Variants in DAGLB observed in about 807,000 individuals in gnomAD.
DAGLB encodes diacylglycerol lipase beta.
In DAGLB, 66 loss-of-function variants were observed where a neutral mutation model predicts 72.1. The ratio of observed to expected loss-of-function variants is 0.92; its 90% confidence interval spans 0.75 to 1.12. The LOEUF is 1.12. Ranked by LOEUF, DAGLB falls within the 50% of genes most tolerant of loss-of-function variation. The pLI is 0.00. For synonymous variants in DAGLB, 414 were observed against 359.5 expected (o/e 1.15, Z -1.71); for missense variants, 1,065 against 884.9 (o/e 1.20, Z -2.58).
chr7:6,431,073 G>A (rs990800421), intron 5 of DAGLB, among the ~76,000 whole-genome samples: 1 of 152,048 alleles, frequency 6.6e-6, no homozygotes, highest in Admixed American at 6.6e-5. Flanking sequence ...ACCACGCCCA[G>A]CCTGACTCCT....
chr7:6,426,559 T>G (rs1326985328), intron 6 of DAGLB, among the ~76,000 whole-genome samples: 2 of 152,196 alleles, frequency 1.3e-5, no homozygotes, highest in African/African-American at 4.8e-5. Flanking sequence ...CGTGAGCCAC[T>G]GCACTGGGCC....
intron 7 of DAGLB, 121 bp downstream of exon 7, chr7:6,425,867 A>G: frequency 6.7e-7 from 1 of 1,500,408 alleles, no homozygotes; most frequent in South Asian, 1.3e-5. Context: ...AGTACACAGG[A>G]CTTAGAAGTG....
chr7:6,423,463 C>T (rs957433112), intron 8 of DAGLB, among the ~76,000 whole-genome samples: 18 of 152,232 alleles, frequency 1.2e-4, no homozygotes, highest in African/African-American at 4.3e-4. Context: ...CTCGATCTGT[C>T]GCCACGCTGG....
intron 2 of DAGLB, among the ~76,000 whole-genome samples, chr7:6,436,761 G>T (rs1784671803): frequency 6.6e-6 from 1 of 151,932 alleles, no homozygotes; most frequent in African/African-American, 2.4e-5. Flanking sequence ...GATTTAGCAG[G>T]GATTAAAAAC....
chr7:6,435,286 G>C (rs1029540387), intron 3 of DAGLB: 6 of 401,388 alleles, frequency 1.5e-5, no homozygotes, highest in African/African-American at 1.2e-4. Flanking sequence ...AGGAGATCGA[G>C]ACCAGCCTGG....
chr7:6,415,354 T>A (rs1403818490), intron 11 of DAGLB, among the ~76,000 whole-genome samples: 1 of 151,976 alleles, frequency 6.6e-6, no homozygotes, highest in African/African-American at 2.4e-5. Context: ...AAACCAAGTG[T>A]GCGAAGAAAA....
At position 6,434,756 on chromosome 7, in the gene DAGLB, G is replaced by A; in HGVS notation, c.678+6C>T. ...AAACAGACCAAACCAGATCCCCTCG[G>A]CTTACTGAAAAGTAGGTTGAGAAAA... On this transcript the variant is annotated splice_donor_region_variant and intron_variant, in intron 4 of 14. Coordinates refer to ENST00000297056, the MANE Select transcript of DAGLB (RefSeq NM_139179.4). 2 of 1,613,974 alleles carry A rather than the reference G, an allele frequency of 1.2e-6. No homozygotes were observed.
chr7:6,429,431 G>A (rs1784409693), intron 6 of DAGLB, among the ~76,000 whole-genome samples: 1 of 151,540 alleles, frequency 6.6e-6, no homozygotes, highest in Admixed American at 6.6e-5. Context: ...TAGATGTAAC[G>A]CATCATCCTG....
intron 6 of DAGLB, among the ~76,000 whole-genome samples, chr7:6,427,023 G>C (rs1212735855): frequency 6.6e-6 from 1 of 152,166 alleles, no homozygotes; most frequent in African/African-American, 2.4e-5. Flanking sequence ...CAGGAGACTT[G>C]CTTGCAACTG....
intron 4 of DAGLB, among the ~76,000 whole-genome samples, chr7:6,433,176 A>C (rs1773813329): frequency 6.6e-6 from 1 of 152,244 alleles, no homozygotes; most frequent in African/African-American, 2.4e-5. Context: ...ACTGGAGAAT[A>C]TAAAAATGCT....
intron 11 of DAGLB, among the ~76,000 whole-genome samples, chr7:6,415,449 T>C (rs920314614): frequency 6.6e-6 from 1 of 151,504 alleles, no homozygotes; most frequent in African/African-American, 2.4e-5. Flanking sequence ...CTGGCCTTTA[T>C]TTCATTTTAA....
chr7:6,428,822 T>G (rs1404480617), intron 6 of DAGLB, among the ~76,000 whole-genome samples: 2 of 152,108 alleles, frequency 1.3e-5, no homozygotes, highest in African/African-American at 4.8e-5. Flanking sequence ...ATTTATTTTT[T>G]AAGACAGCGT....
intron 2 of DAGLB, among the ~76,000 whole-genome samples, chr7:6,437,238 G>C (rs944081991): frequency 1.3e-5 from 2 of 151,672 alleles, no homozygotes; most frequent in Admixed American, 6.6e-5. Context: ...AACTGTCCCA[G>C]GCAAACAGGG....
At chr7:6,418,550 A>C (rs78936522) in intron 9 of DAGLB, among the ~76,000 whole-genome samples, 1,913 of 152,256 alleles carry the variant, frequency 0.013, 41 homozygotes, top group African/African-American at 0.044. Context: ...CTCGGAGAAA[A>C]GCGGGCCTGG....
rs1468729115 is a variant in DAGLB at position 6,412,847 on chromosome 7, T to C, written c.1533A>G (p.Arg511=). The C allele has an allele frequency of 6.2e-7, 1 of 1,603,974 alleles. No homozygotes were observed. The highest frequency in any genetic ancestry group is 8.5e-7 in the Non-Finnish European group (1 of 1,174,190). Residue 511 remains arginine, a synonymous_variant, in exon 13 of 15, where the codon AGA becomes AGG. Coordinates refer to ENST00000297056, the MANE Select transcript of DAGLB (RefSeq NM_139179.4). ...SVTNLEDLKR[R]ILRVVAHCNK... ...TGCAGTGCGCGACCACTCGCAAGAT[T>C]CTTCTCTTCAGATCTTCCAAGTTGG...
intron 6 of DAGLB, among the ~76,000 whole-genome samples, chr7:6,428,331 A>AG (rs1220908159): frequency 1.3e-5 from 2 of 150,578 alleles, no homozygotes; most frequent in Non-Finnish European, 3.0e-5. Flanking sequence ...AAAAAAAAAA[A>AG]AAAAGAAAGA....
At chr7:6,410,879 T>TTTTTTG (rs1783700831) in intron 13 of DAGLB, among the ~76,000 whole-genome samples, 1 of 120,832 alleles carries the variant, frequency 8.3e-6, no homozygotes, top group African/African-American at 3.4e-5. Context: ...TAATTTTTTG[T>TTTTTTG]ATTTTTTTTT....
chr7:6,442,940 G>A (rs1022057101), intron 2 of DAGLB, among the ~76,000 whole-genome samples: 6 of 151,562 alleles, frequency 4.0e-5, no homozygotes, highest in African/African-American at 1.2e-4. Context: ...TTGGGAGGCT[G>A]AGGCGGGCGG....
intron 3 of DAGLB, 95 bp downstream of exon 3, chr7:6,436,267 G>T: frequency 6.9e-7 from 1 of 1,452,114 alleles, no homozygotes; most frequent in Non-Finnish European, 9.2e-7. Context: ...ATTTGAGGAA[G>T]TCCGAGGGAC....
Sources: gnomAD v4.1 joint callset for allele counts (sites outside exome capture counted in the v4.1 genomes callset) on GRCh38, gnomAD v4.1.1 for gene constraint, MANE v1.5 for transcripts, NCBI Gene and HGNC (gene_info 2026-07-23, HGNC 2026-07-21) for gene names.